Variants in EPHX3 observed in about 807,000 individuals in gnomAD.
EPHX3 encodes the protein abhydrolase domain containing 9.
Under a neutral mutation model 40.2 loss-of-function variants are expected in EPHX3, and 39 were observed. The ratio of observed to expected loss-of-function variants is 0.97; its 90% CI spans 0.75 to 1.27. EPHX3 has a LOEUF of 1.27. Ranked by LOEUF, EPHX3 falls within the 50% of genes most tolerant of loss-of-function variation. The pLI, the probability that EPHX3 is intolerant of heterozygous loss-of-function variation, is 0.00. For missense variants in EPHX3, 442 were observed against 474.0 expected, an observed-to-expected ratio of 0.93 and a Z score of 0.63; for synonymous variants, 213 against 209.7, an observed-to-expected ratio of 1.02 and a Z score of -0.14.
At chr19:15,228,159 C>T in intron 4 of EPHX3, 59 bp from the exon 5 acceptor site, 1 of 1,327,946 alleles carries the variant, frequency 7.5e-7, no homozygotes, top group Non-Finnish European at 1.0e-6. Context: ...GCCCCATACA[C>T]CTGCACCCCT....
intron 2 of EPHX3, 97 bp downstream of exon 2, chr19:15,231,679 G>C: frequency 7.7e-7 from 1 of 1,306,532 alleles, no homozygotes; most frequent in Non-Finnish European, 1.1e-6. Context: ...TGTTCAGCTT[G>C]TCCCGATCTA....
rs2047149974 is a variant in EPHX3 at position 15,231,064 on chromosome 19, G to A, written c.514C>T (p.His172Tyr). ...CAGGCAAGGAGGGCACCCCAGTCAT[G>A]GGCCACAAGGATGCACTTCGAGTAA... ...LGYSKCILVA[H>Y]DWGALLAWHF... Residue 172 changes from histidine (H) to tyrosine (Y), a missense_variant, in exon 4 of 7, where the codon CAT (histidine) becomes TAT (tyrosine). Physicochemically the swap from His to Tyr is moderately conservative, Grantham distance 83 (BLOSUM62 2). Coordinates refer to ENST00000221730, the MANE Select transcript of EPHX3 (RefSeq NM_024794.3). 1.2e-6 allele frequency: 2 copies of A among 1,614,106 alleles called. No homozygotes were observed. Among genetic ancestry groups the A allele is most frequent in the Non-Finnish European group, 1.7e-6 (2 of 1,180,022 alleles).
At chr19:15,228,530 T>G in intron 4 of EPHX3, among the ~76,000 whole-genome samples, 1 of 131,014 alleles carries the variant, frequency 7.6e-6, no homozygotes, top group African/African-American at 3.0e-5. Context: ...TTTTTTTTTT[T>G]TTTTTTGAGA....
chr19:15,232,884 GA>G (rs143772036), upstream of EPHX3: 12,445 of 125,886 alleles, frequency 0.099, 678 homozygotes, highest in Non-Finnish European at 0.15. Flanking sequence ...TCTCAAAAAA[GA>G]AAAAAAAAAA....
intron 4 of EPHX3, among the ~76,000 whole-genome samples, chr19:15,229,980 C>G (rs1240000789): frequency 1.3e-5 from 2 of 149,830 alleles, no homozygotes; most frequent in Admixed American, 1.3e-4. Context: ...CACAGTGCTG[C>G]ATATTAACAT....
upstream of EPHX3, among the ~76,000 whole-genome samples, chr19:15,234,194 C>T (rs1035830174): frequency 1.3e-5 from 2 of 152,174 alleles, no homozygotes; most frequent in African/African-American, 4.8e-5. Flanking sequence ...AATCACATTC[C>T]TGTAGTATAG....
chr19:15,231,150 G>A (rs1238848571), intron 3 of EPHX3, 60 bp from the exon 4 acceptor site: 3 of 1,612,498 alleles, frequency 1.9e-6, no homozygotes, highest in Non-Finnish European at 2.5e-6. Context: ...AGCAGGGATG[G>A]GGGAAGTAGG....
Position 15,231,994 on chromosome 19 carries a change from C to T in EPHX3, c.218G>A (p.Gly73Asp), listed in dbSNP as rs768436195. The T allele has an allele frequency of 2.5e-6, 4 of 1,609,566 alleles. No individual in the cohort carries two copies. The highest frequency in any genetic ancestry group is 3.4e-6 in the Non-Finnish European group (4 of 1,179,578). ...SPACLSDPSL[G>D]EHGFLNLKSS... is the part of the protein sequence containing the mutation. ...CTTGAGGTTCAGGAAACCGTGCTCA[C>T]CCAGCGAGGGGTCGCTCAGGCAGGC... Residue 73 changes from glycine to aspartate, a missense_variant, in exon 1 of 7, where the codon GGT becomes GAT. Gly to Asp is a moderately conservative substitution (Grantham distance 94). Transcript: ENST00000221730.
At chr19:15,235,254 C>A (rs901703296), upstream of EPHX3, among the ~76,000 whole-genome samples, 1 of 152,104 alleles carries the variant, frequency 6.6e-6, no homozygotes. Flanking sequence ...GATCCTCCCA[C>A]CCCGGCCTCC....
chr19:15,235,444 T>A (rs2047185319), upstream of EPHX3: 1 of 151,404 alleles, frequency 6.6e-6, no homozygotes, highest in Non-Finnish European at 1.5e-5. Context: ...CTCCTACACA[T>A]CACTGACCCC....
upstream of EPHX3, among the ~76,000 whole-genome samples, chr19:15,235,160 C>A (rs1407303351): frequency 2.6e-5 from 4 of 152,032 alleles, no homozygotes; most frequent in African/African-American, 9.7e-5. Flanking sequence ...TGCTACCGCG[C>A]CCCGCTAATT....
At chr19:15,228,666 C>T (rs1042240075) in intron 4 of EPHX3, among the ~76,000 whole-genome samples, 9 of 151,326 alleles carry the variant, frequency 5.9e-5, no homozygotes, top group South Asian at 2.1e-4. Context: ...TACAGGCACC[C>T]GCCACCACGT....
intron 4 of EPHX3, among the ~76,000 whole-genome samples, chr19:15,228,413 T>A (rs2047128885): frequency 6.6e-6 from 1 of 151,854 alleles, no homozygotes; most frequent in African/African-American, 2.4e-5. Flanking sequence ...AACTACTGCA[T>A]GCCAGGCCTT....
At chr19:15,231,481 C>T in intron 2 of EPHX3, 85 bp from the exon 3 acceptor site, 3 of 1,494,658 alleles carry the variant, frequency 2.0e-6, no homozygotes, top group Non-Finnish European at 1.8e-6. Flanking sequence ...CATTGGCAAA[C>T]CCTCCTTCCT....
upstream of EPHX3, chr19:15,235,555 T>A (rs2047186280): frequency 7.6e-6 from 1 of 130,894 alleles, no homozygotes; most frequent in East Asian, 2.1e-4. Context: ...ATTTTTGCAA[T>A]GAGAACTGCA....
chr19:15,234,803 TAAC>T (rs1346693099), upstream of EPHX3, among the ~76,000 whole-genome samples: 4 of 152,218 alleles, frequency 2.6e-5, no homozygotes. Context: ...CCTGGGACCA[TAAC>T]TAAGTCCATG....
intron 4 of EPHX3, among the ~76,000 whole-genome samples, chr19:15,228,374 C>T (rs1164646382): frequency 6.6e-6 from 1 of 152,164 alleles, no homozygotes; most frequent in East Asian, 1.9e-4. Context: ...TGCGTTTCCT[C>T]TGCTTTATTC....
upstream of EPHX3, chr19:15,236,793 T>G (rs758114442): frequency 5.6e-6 from 1 of 177,954 alleles, no homozygotes. Context: ...GGGCCTAGCC[T>G]AGGCAACAGT....
At position 15,231,658 on chromosome 19, in the gene EPHX3, A is replaced by G; in HGVS notation, c.329+118T>C. On this transcript the variant is annotated intron_variant, in intron 2 of 6. Coordinates refer to ENST00000221730, the MANE Select transcript of EPHX3 (RefSeq NM_024794.3). The stretch of plus-strand genomic sequence containing the variant: ...CTGGGTATGCTGGCTCAGTACCCCT[A>G]TCCCCATCTATGTTCAGCTTGTCCC... 5 of 1,133,062 alleles carry G rather than the reference A, an allele frequency of 4.4e-6. 1 individual carries two copies. The South Asian group carries it at 6.6e-5, about 15-fold the overall frequency. 70.2% of individuals were successfully genotyped at this position (1,133,062 alleles called of 1,614,324 possible). A position where few individuals can be genotyped will look rare whatever the true frequency, so the allele number is the denominator to read the frequency against.
Sources: gnomAD v4.1 joint callset for allele counts (sites outside exome capture counted in the v4.1 genomes callset) on GRCh38, gnomAD v4.1.1 for gene constraint, MANE v1.5 for transcripts, NCBI Gene and HGNC (gene_info 2026-07-23, HGNC 2026-07-21) for gene names.